The following PRKCQ variants were observed in gnomAD, a reference collection of about 807,000 sequenced individuals.
PRKCQ encodes protein kinase C theta.
In PRKCQ, 41 loss-of-function variants were observed where a neutral mutation model predicts 91.2. The observed-to-expected ratio is 0.45, with a 90% CI of 0.35 to 0.58. PRKCQ has a LOEUF of 0.58. PRKCQ is among the 20% of genes least tolerant of loss of function. The pLI is 0.00. For synonymous variants in PRKCQ, 307 were observed against 316.9 expected, an observed-to-expected ratio of 0.97 and a Z score of 0.33; for missense variants, 673 against 896.5, an observed-to-expected ratio of 0.75 and a Z score of 3.18.
At chr10:6,431,174 G>A (rs1260953468) in intron 16 of PRKCQ, among the ~76,000 whole-genome samples, 2 of 152,156 alleles carry the variant, frequency 1.3e-5, no homozygotes, top group Admixed American at 6.5e-5. Flanking sequence ...ATTTGAAACC[G>A]GCTTTGCCCT....
intron 1 of PRKCQ, among the ~76,000 whole-genome samples, chr10:6,540,302 T>G (rs1839728581): frequency 6.6e-6 from 1 of 152,228 alleles, no homozygotes; most frequent in Non-Finnish European, 1.5e-5. Flanking sequence ...ACATTCACAT[T>G]GTTGTGCAAC....
intron 12 of PRKCQ, among the ~76,000 whole-genome samples, chr10:6,476,857 C>G (rs1021702667): frequency 1.3e-5 from 2 of 151,962 alleles, no homozygotes; most frequent in African/African-American, 4.8e-5. Flanking sequence ...AGTTTGTCTC[C>G]TTGCCTGCAG....
intron 16 of PRKCQ, 119 bp downstream of exon 16, chr10:6,441,774 A>C (rs1833984828): frequency 9.5e-7 from 1 of 1,056,794 alleles, no homozygotes; most frequent in African/African-American, 1.6e-5. Context: ...ATCCCATTTA[A>C]ACCCAGTTCA....
chr10:6,528,421 G>A (rs1266995932), intron 1 of PRKCQ, among the ~76,000 whole-genome samples: 4 of 152,186 alleles, frequency 2.6e-5, no homozygotes, highest in East Asian at 1.9e-4. Context: ...CATCCTCCTC[G>A]GTTGGCAGGG....
chr10:6,511,882 A>G (rs1838493333), intron 2 of PRKCQ, among the ~76,000 whole-genome samples: 1 of 152,128 alleles, frequency 6.6e-6, no homozygotes. Context: ...ACAACTGTCT[A>G]TGGGACTATT....
chr10:6,560,372 T>C (rs1168654909), intron 1 of PRKCQ, among the ~76,000 whole-genome samples: 1 of 152,164 alleles, frequency 6.6e-6, no homozygotes, highest in African/African-American at 2.4e-5. Flanking sequence ...GGAAGCCTAC[T>C]GGAAGGAGAA....
rs1564324307 is a variant in PRKCQ at position 6,467,385 on chromosome 10, CAGACAGAGAG to C, written c.1354-2991_1354-2982del. Among the ~76,000 whole-genome samples the C allele has an allele frequency of 3.2e-3, 128 of 39,472 alleles. 5 individuals are homozygous for C. Among genetic ancestry groups the C allele is most frequent in the Non-Finnish European group, 4.7e-3 (101 of 21,364 alleles). The allele number at this position is 39,472 out of a possible 152,430, so 25.9% of individuals were successfully genotyped here. A position where few individuals can be genotyped will look rare whatever the true frequency, so the allele number is the denominator to read the frequency against. On this transcript the variant is annotated intron_variant, in intron 12 of 17. Coordinates refer to ENST00000263125, the MANE Select transcript of PRKCQ (RefSeq NM_006257.5). ...AGAGAGAGAGAGAGACAGAGAGAGA[CAGACAGAGAG>C]AGAGAGAGAGAGAGAGAGAGAGAGA... is the stretch of plus-strand genomic sequence containing the variant.
chr10:6,479,767 T>TAAAAAAAAAAA lies in PRKCQ; in HGVS notation c.1180-613_1180-603dup, dbSNP rs34610362. Among the ~76,000 whole-genome samples, 63 of 38,982 alleles carry TAAAAAAAAAAA rather than the reference T, an allele frequency of 1.6e-3. 2 individuals are homozygous for TAAAAAAAAAAA. Among genetic ancestry groups the TAAAAAAAAAAA allele is most frequent in the Non-Finnish European group, 2.0e-3 (46 of 23,250 alleles). 25.6% of individuals were successfully genotyped at this position (38,982 alleles called of 152,430 possible). A position where few individuals can be genotyped will look rare whatever the true frequency, so the allele number is the denominator to read the frequency against. On this transcript the variant is annotated intron_variant, in intron 11 of 17. Coordinates refer to ENST00000263125, the MANE Select transcript of PRKCQ (RefSeq NM_006257.5). ...CAACATGGTGAAACCCCGTCTCGACTAAAAAAAAAAAAAAAAAAAAAAAAA... is the reference window on the plus strand; with the variant it reads ...CAACATGGTGAAACCCCGTCTCGACTAAAAAAAAAAAAAAAAAAAAAAAAAAAAAAAAAAAA...
intron 1 of PRKCQ, among the ~76,000 whole-genome samples, chr10:6,527,718 A>C (rs955782707): frequency 6.6e-6 from 1 of 152,156 alleles, no homozygotes; most frequent in Non-Finnish European, 1.5e-5. Flanking sequence ...CCAGGCTCCC[A>C]CAATGACAAA....
chr10:6,462,485 T>C (rs1304129395), intron 13 of PRKCQ, 120 bp from the exon 14 acceptor site: 4 of 781,866 alleles, frequency 5.1e-6, no homozygotes, highest in East Asian at 2.6e-5. Context: ...CACACATAAC[T>C]CTGTTTAATC....
chr10:6,498,372 G>C lies in PRKCQ; in HGVS notation c.542+24C>G, dbSNP rs765844860. The C allele has an allele frequency of 1.8e-5, 29 of 1,612,330 alleles. No individual in the cohort carries two copies. In the South Asian group the frequency reaches 3.0e-4, roughly 16 times the overall value. On this transcript the variant is annotated intron_variant, in intron 5 of 17. Coordinates refer to ENST00000263125, the MANE Select transcript of PRKCQ (RefSeq NM_006257.5). ...AACAAAATGCATAACCCGAAGCTTG[G>C]AGGGAGATGCCAAGTTACTGTACCA...
chr10:6,396,327 A>G, the PRKCQ span, among the ~76,000 whole-genome samples: 1 of 152,318 alleles, frequency 6.6e-6, no homozygotes, highest in South Asian at 2.1e-4. Flanking sequence ...AAAGTATACA[A>G]TTCAATGCTT....
upstream of PRKCQ, chr10:6,580,641 C>T (rs1401312916): frequency 6.6e-6 from 1 of 152,250 alleles, no homozygotes; most frequent in Non-Finnish European, 1.5e-5. Flanking sequence ...GGGCGAGAGG[C>T]CACATGTCTC....
intron 1 of PRKCQ, among the ~76,000 whole-genome samples, chr10:6,571,826 CAACA>C (rs1451245859): frequency 2.0e-5 from 3 of 151,954 alleles, no homozygotes; most frequent in South Asian, 2.1e-4. Flanking sequence ...ACAAACAAAC[CAACA>C]AACAAACCAA....
At position 6,430,797 on chromosome 10, in the gene PRKCQ, A is replaced by G. The variant is rs373539365; in HGVS notation, c.1965+13T>C. The G allele has an allele frequency of 4.3e-6, 7 of 1,612,934 alleles. No individual in the cohort carries two copies. The African/African-American group carries it at 8.0e-5, about 18-fold the overall frequency. The stretch of plus-strand genomic sequence containing the variant: ...AGTGGCTGACACCAAGCGGCCCATG[A>G]GCGAGTCCTTACCACTTTCGGCCGG... On this transcript the variant is annotated intron_variant, in intron 17 of 17. Transcript: ENST00000263125. This position sits in a 1 kb window ranked among gnomAD's most constrained non-coding sequence, Gnocchi z 4.7.
chr10:6,522,911 C>T (rs759797206), intron 1 of PRKCQ, among the ~76,000 whole-genome samples: 14 of 152,126 alleles, frequency 9.2e-5, no homozygotes, highest in African/African-American at 2.7e-4. Flanking sequence ...AATTAAGCTA[C>T]ACCAATAGCT....
the PRKCQ span, among the ~76,000 whole-genome samples, chr10:6,413,069 C>T: frequency 2.6e-5 from 4 of 152,206 alleles, no homozygotes; most frequent in African/African-American, 7.2e-5. Flanking sequence ...TCTCCTGCCT[C>T]AGCCTCCTGA....
At chr10:6,489,511 A>C (rs1390387805) in intron 8 of PRKCQ, 1 of 514,746 alleles carries the variant, frequency 1.9e-6, no homozygotes, top group Admixed American at 2.1e-5. Flanking sequence ...AGGAGGCCCT[A>C]CTTAAGACGA....
chr10:6,524,047 C>A lies in PRKCQ; in HGVS notation c.-9-8903G>T, dbSNP rs1050012238. 2.0e-5 allele frequency among the ~76,000 whole-genome samples: 3 copies of A among 152,182 alleles called. No homozygotes were observed. In the South Asian group the frequency reaches 6.2e-4, roughly 31 times the overall value. ...TGCTGAAGGTTCCCTGAATATCTGT[C>A]TCTATGGCTCTGTTCACGCCATTCC... On this transcript the variant is annotated intron_variant, in intron 1 of 17. Transcript: ENST00000263125.
Sources: gnomAD v4.1 joint callset for allele counts (sites outside exome capture counted in the v4.1 genomes callset) on GRCh38, gnomAD v4.1.1 for gene constraint, Gnocchi (gnomAD v3.1) non-coding constraint, MANE v1.5 for transcripts, NCBI Gene and HGNC (gene_info 2026-07-23, HGNC 2026-07-21) for gene names.